HSPA1L: variants seen among roughly 807,000 people sequenced by gnomAD.
HSPA1L encodes heat shock protein family A (Hsp70) member 1 like.
A neutral mutation model predicts 31.5 loss-of-function variants in HSPA1L; 21 were observed. The ratio of observed to expected loss-of-function variants is 0.67; its 90% CI spans 0.47 to 0.96. HSPA1L has a LOEUF of 0.96. HSPA1L is among the 40% of genes least tolerant of loss of function. The pLI is 0.00. For missense variants in HSPA1L, 709 were observed against 813.4 expected, an observed-to-expected ratio of 0.87 and a Z score of 1.56; for synonymous variants, 293 against 323.1, an observed-to-expected ratio of 0.91 and a Z score of 1.00.
At position 31,815,147 on chromosome 6, in the gene HSPA1L, T is replaced by G. The variant is rs2151468804; in HGVS notation, c.-272A>C. The G allele has an allele frequency of 5.3e-3, 1,513 of 282,822 alleles. No individual in the cohort carries two copies. The highest frequency in any genetic ancestry group is 7.7e-3 in the Non-Finnish European group (1,386 of 180,896). The allele number at this position is 282,822 out of a possible 1,614,324, so 17.5% of individuals were successfully genotyped here. A position where few individuals can be genotyped will look rare whatever the true frequency, so the allele number is the denominator to read the frequency against. On this transcript the variant is annotated 5_prime_UTR_variant, in exon 1 of 2. Transcript: ENST00000375654. ...GCCCCCACCCTCCCCTGGACGCGCG[T>G]AACCCGCTCCCCGCACCAGCCCCCT...
chr6:31,811,767 A>G lies in HSPA1L; in HGVS notation c.206T>C (p.Val69Ala). Residue 69 changes from valine to alanine, a missense_variant, in exon 2 of 2, where the codon GTT becomes GCT. By Grantham distance (64) the Val-to-Ala change is moderately conservative (BLOSUM62 0). Transcript: ENST00000375654. ...NQVAMNPQNT[V>A]FDAKRLIGRK... ...GCCGATCAGACGTTTAGCATCAAAA[A>G]CAGTGTTCTGGGGATTCATTGCTAC... The G allele has an allele frequency of 6.2e-7, 1 of 1,614,138 alleles. No individual in the cohort carries two copies. Among genetic ancestry groups the G allele is most frequent in the Middle Eastern group, 1.6e-4 (1 of 6,062 alleles).
At position 31,811,214 on chromosome 6, in the gene HSPA1L, C is replaced by T; in HGVS notation, c.759G>A (p.Lys253=). 6.2e-7 allele frequency: 1 copy of T among 1,614,196 alleles called. No homozygotes were observed. Among genetic ancestry groups the T allele is most frequent in the Non-Finnish European group, 8.5e-7 (1 of 1,180,042 alleles). Residue 253 remains lysine, a synonymous_variant, in exon 2 of 2, where the codon AAG becomes AAA. Coordinates refer to ENST00000375654, the MANE Select transcript of HSPA1L (RefSeq NM_005527.4). ...FVEEFKRKHK[K]DISQNKRAVR... Reference sequence around the variant, plus strand: ...CGGCTCGCTTGTTCTGGCTGATGTCCTTTTTGTGTTTCCTCTTGAACTCCT... The same window carrying T: ...CGGCTCGCTTGTTCTGGCTGATGTCTTTTTTGTGTTTCCTCTTGAACTCCT...
In HSPA1L at chr6:31,810,675, T is replaced by A. The variant is rs1815345131; in HGVS notation, c.1298A>T (p.Tyr433Phe). ...PTKQTQIFTT[Y>F]SDNQPGVLIQ... ...CAGCACCCCGGGTTGGTTGTCAGAG[T>A]AGGTGGTGAAAATCTGTGTCTGCTT... Residue 433 changes from tyrosine (Y) to phenylalanine (F), a missense_variant, in exon 2 of 2, where the codon TAC (tyrosine) becomes TTC (phenylalanine). Physicochemically the swap from Tyr to Phe is conservative, Grantham distance 22 (BLOSUM62 3). Coordinates refer to ENST00000375654, the MANE Select transcript of HSPA1L (RefSeq NM_005527.4). 6.2e-7 allele frequency: 1 copy of A among 1,613,648 alleles called. No homozygotes were observed. The highest frequency in any genetic ancestry group is 2.2e-5 in the East Asian group (1 of 44,860).
rs1279739765 is a variant in HSPA1L, at chr6:31,811,905, A to G, written c.68T>C (p.Phe23Ser). 1.4e-5 allele frequency: 23 copies of G among 1,614,028 alleles called. No individual in the cohort carries two copies. Among genetic ancestry groups the G allele is most frequent in the Non-Finnish European group, 1.9e-5 (22 of 1,180,022 alleles). ...GATGATCTCCACCTTGCCGTGCTGG[A>G]ACACCCCCACACAGGAGTAGGTGGT... ...LGTTYSCVGVFQHGKVEIIAN... is the reference protein window; with the variant it reads ...LGTTYSCVGVSQHGKVEIIAN... Residue 23 changes from phenylalanine (F) to serine (S), a missense_variant, in exon 2 of 2, where the codon TTC becomes TCC. Coordinates refer to ENST00000375654, the MANE Select transcript of HSPA1L (RefSeq NM_005527.4).
Position 31,810,323 on chromosome 6 carries a change from G to A in HSPA1L, c.1650C>T (p.Asn550=). 1.9e-6 allele frequency: 3 copies of A among 1,591,790 alleles called. No individual in the cohort carries two copies. The highest frequency in any genetic ancestry group is 2.6e-6 in the Non-Finnish European group (3 of 1,170,672). Residue 550 remains asparagine (N), a synonymous_variant, in exon 2 of 2, where the codon AAC becomes AAT. Transcript: ENST00000375654. ...AKNALESYAF[N]MKSVVSDEGL... is the part of the protein sequence containing the mutation. ...CTTCATCACTCACAACACTCTTCAT[G>A]TTAAAAGCATAGGATTCTAAGGCAT... is the stretch of plus-strand genomic sequence containing the variant.
Position 31,813,761 on chromosome 6 carries a change from T to C in HSPA1L, c.-14+1128A>G, listed in dbSNP as rs370548257. Reference sequence around the variant, plus strand: ...GGTAGACAAAAGTATTCTCAGCTACTCAAAGAAGTTGGGAAGCAAGTAGCT... The same window carrying C: ...GGTAGACAAAAGTATTCTCAGCTACCCAAAGAAGTTGGGAAGCAAGTAGCT... On this transcript the variant is annotated intron_variant, in intron 1 of 1. Coordinates refer to ENST00000375654, the MANE Select transcript of HSPA1L (RefSeq NM_005527.4). Among the ~76,000 whole-genome samples the C allele has an allele frequency of 2.7e-4, 41 of 152,332 alleles. No individual in the cohort carries two copies. In the East Asian group the frequency reaches 4.4e-3, roughly 16 times the overall value.
At chr6:31,813,878 G>C (rs1815625774) in intron 1 of HSPA1L, among the ~76,000 whole-genome samples, 2 of 152,164 alleles carry the variant, frequency 1.3e-5, no homozygotes, top group Admixed American at 6.5e-5. Flanking sequence ...TGACCCAAGA[G>C]TAGTGTACAT....
chr6:31,814,351 G>A (rs1400617871), intron 1 of HSPA1L, among the ~76,000 whole-genome samples: 1 of 151,566 alleles, frequency 6.6e-6, no homozygotes. Flanking sequence ...AACCCGGGAG[G>A]TGGAGCAATT....
chr6:31,810,288 C>T lies in HSPA1L; in HGVS notation c.1685G>A (p.Gly562Asp). 2 of 1,546,138 alleles carry T rather than the reference C, an allele frequency of 1.3e-6. No homozygotes were observed. Among genetic ancestry groups the T allele is most frequent in the Non-Finnish European group, 1.7e-6 (2 of 1,149,690 alleles). Residue 562 changes from glycine (G) to aspartate (D), a missense_variant, in exon 2 of 2, where the codon GGC becomes GAC. Transcript: ENST00000375654. ...ATTTTTATCAGACTCACTAATCTTG[C>T]CCTTCAAACCTTCATCACTCACAAC... ...KSVVSDEGLK[G>D]KISESDKNKI...
At chr6:31,814,636 C>A (rs1469759841) in intron 1 of HSPA1L, among the ~76,000 whole-genome samples, 2 of 144,030 alleles carry the variant, frequency 1.4e-5, no homozygotes, top group African/African-American at 5.1e-5. Context: ...CCCCGCCTCC[C>A]CCTTACCCCG....
chr6:31,814,693 C>T (rs1385558037), intron 1 of HSPA1L, among the ~76,000 whole-genome samples, 196 bp downstream of exon 1: 2 of 149,778 alleles, frequency 1.3e-5, no homozygotes, highest in African/African-American at 4.9e-5. Context: ...TCCCTTCCCC[C>T]GCCTCCCCCA....
In HSPA1L at chr6:31,812,424, C is replaced by T. The variant is rs537396079; in HGVS notation, c.-13-439G>A. On this transcript the variant is annotated intron_variant, in intron 1 of 1. Coordinates refer to ENST00000375654, the MANE Select transcript of HSPA1L (RefSeq NM_005527.4). ...CTGACCTCAGGTGATCCGCCCGCCTCGGCCTCCCAAAGTGCTGGGATTACA... is the reference window on the plus strand; with the variant it reads ...CTGACCTCAGGTGATCCGCCCGCCTTGGCCTCCCAAAGTGCTGGGATTACA... Among the ~76,000 whole-genome samples, 4 of 152,182 alleles carry T rather than the reference C, an allele frequency of 2.6e-5. No individual in the cohort carries two copies. The South Asian group carries it at 6.2e-4, about 24-fold the overall frequency.
intron 1 of HSPA1L, among the ~76,000 whole-genome samples, chr6:31,813,147 G>C (rs920299995): frequency 6.6e-6 from 1 of 152,248 alleles, no homozygotes; most frequent in South Asian, 2.1e-4. Context: ...CTATGAATTT[G>C]ACTACTCTTG....
chr6:31,811,065 C>T lies in HSPA1L; in HGVS notation c.908G>A (p.Arg303Gln), dbSNP rs1385211232. The change falls in exon 2 of 2, where the codon CGA becomes CAA. Residue 303 changes from arginine (R) to glutamine (Q), a missense_variant. Transcript: ENST00000375654. ...IDFYTSITRA[R>Q]FEELCADLFR... ...CAGGTCTGCACACAACTCTTCAAAT[C>T]GAGCTCTGGTGATGGATGTATAGAA... The T allele has an allele frequency of 1.2e-5, 20 of 1,614,064 alleles. 1 individual carries two copies. Among genetic ancestry groups the T allele is most frequent in the African/African-American group, 4.0e-5 (3 of 74,922 alleles).
Position 31,812,715 on chromosome 6 carries a change from G to A in HSPA1L, c.-13-730C>T, listed in dbSNP as rs564455957. On this transcript the variant is annotated intron_variant, in intron 1 of 1. Coordinates refer to ENST00000375654, the MANE Select transcript of HSPA1L (RefSeq NM_005527.4). ...GTTTGGTAGTGAGTTCAATCACAGC[G>A]GTGTTCAACCAATTTCCAGAATTCT... 3.0e-4 allele frequency among the ~76,000 whole-genome samples: 46 copies of A among 152,146 alleles called. 1 individual carries two copies. The South Asian group carries it at 8.5e-3, about 28-fold the overall frequency.
rs576268420 is a variant in HSPA1L at position 31,810,488 on chromosome 6, CTT to C, written c.1483_1484del (p.Lys495GlufsTer13). 266 of 1,613,748 alleles carry C rather than the reference CTT, an allele frequency of 1.6e-4. No individual in the cohort carries two copies. The African/African-American group carries it at 3.4e-3, about 21-fold the overall frequency. ...TGATCTTGTTCACCTTGCCGGTGCTCTTGTCCGTGGCTGTGACATTGAGAATA... is the reference window on the plus strand; with the variant it reads ...TGATCTTGTTCACCTTGCCGGTGCTCGTCCGTGGCTGTGACATTGAGAATA... The part of the protein sequence containing the change: ...NGILNVTATD[K>X]STGKVNKITI... On this transcript the variant is annotated frameshift_variant, in exon 2 of 2. Coordinates refer to ENST00000375654, the MANE Select transcript of HSPA1L (RefSeq NM_005527.4). LOFTEE classifies it high-confidence loss of function.
chr6:31,809,909 G>A lies in HSPA1L; in HGVS notation c.*138C>T, dbSNP rs1562338831. 3.2e-6 allele frequency: 2 copies of A among 634,090 alleles called. No individual in the cohort carries two copies. The highest frequency in any genetic ancestry group is 1.9e-5 in the African/African-American group (1 of 53,376). The allele number at this position is 634,090 out of a possible 1,614,324, so 39.3% of individuals were successfully genotyped here. A position where few individuals can be genotyped will look rare whatever the true frequency, so the allele number is the denominator to read the frequency against. On this transcript the variant is annotated 3_prime_UTR_variant, in exon 2 of 2. Transcript: ENST00000375654. Reference sequence around the variant, plus strand: ...GATGTGAGGGAGTGTGATAGGTGGTGCATGAGACTCCTTCTCCAGAATTTC... The same window carrying A: ...GATGTGAGGGAGTGTGATAGGTGGTACATGAGACTCCTTCTCCAGAATTTC...
rs760914999 is a variant in HSPA1L, at chr6:31,810,933, T to C, written c.1040A>G (p.Lys347Arg). 1 of 1,614,174 alleles carries C rather than the reference T, an allele frequency of 6.2e-7. No individual in the cohort carries two copies. The highest frequency in any genetic ancestry group is 1.1e-5 in the South Asian group (1 of 91,084). ...VLVGGSTRIP[K>R]VQRLLQDYFN... ...GTAGTCCTGAAGCAGCCGCTGCACC[T>C]TGGGGATGCGGGTGGAGCCCCCTAC... is the stretch of plus-strand genomic sequence containing the variant. Residue 347 changes from lysine (K) to arginine (R), a missense_variant, in exon 2 of 2, where the codon AAG becomes AGG. Physicochemically the swap from Lys to Arg is conservative, Grantham distance 26 (BLOSUM62 2). Coordinates refer to ENST00000375654, the MANE Select transcript of HSPA1L (RefSeq NM_005527.4).
rs1213659188 is a variant in HSPA1L, at chr6:31,811,732, T to G, written c.241A>C (p.Asn81His). ...DAKRLIGRKF[N>H]DPVVQADMKL... ...ATATCTGCTTGTACAACAGGATCAT[T>G]AAATTTCCTGCCGATCAGACGTTTA... Residue 81 changes from asparagine (N) to histidine (H), a missense_variant, in exon 2 of 2, where the codon AAT (asparagine) becomes CAT (histidine). Asn to His is a moderately conservative substitution (Grantham distance 68). Coordinates refer to ENST00000375654, the MANE Select transcript of HSPA1L (RefSeq NM_005527.4). 6.2e-7 allele frequency: 1 copy of G among 1,614,068 alleles called. No homozygotes were observed. Among genetic ancestry groups the G allele is most frequent in the Non-Finnish European group, 8.5e-7 (1 of 1,180,028 alleles).
Sources: allele counts gnomAD v4.1 joint callset (sites outside exome capture counted in the v4.1 genomes callset), GRCh38; gene constraint gnomAD v4.1.1; transcripts MANE v1.5; gene names NCBI Gene and HGNC (gene_info 2026-07-23, HGNC 2026-07-21).